Variants in WDR87 observed in about 807,000 individuals in gnomAD.
The protein encoded by WDR87 is WD repeat-containing protein 87.
WDR87 carries 56 observed loss-of-function variants against 83.3 expected under a neutral mutation model. The ratio of observed to expected loss-of-function variants is 0.67; its 90% CI spans 0.54 to 0.84. WDR87 has a LOEUF of 0.84. WDR87 is among the 40% of genes least tolerant of loss of function. The pLI, the probability that WDR87 is intolerant of heterozygous loss-of-function variation, is 0.00. For synonymous variants in WDR87, 1,173 were observed against 1,250.6 expected, an observed-to-expected ratio of 0.94 and a Z score of 1.31; for missense variants, 2,939 against 3,431.9, an observed-to-expected ratio of 0.86 and a Z score of 3.59.
chr19:37,888,462 C>T lies in WDR87; in HGVS notation c.5209G>A (p.Glu1737Lys). 6.4e-7 allele frequency: 1 copy of T among 1,552,110 alleles called. No individual in the cohort carries two copies. The highest frequency in any genetic ancestry group is 1.2e-5 in the South Asian group (1 of 84,054). ...TTTTGTTCCCTCTGGGGCAGTTCTT[C>T]CACTTTCTGGGCCAATATGTTTTTC... is the stretch of plus-strand genomic sequence containing the variant. ...EVKNILAQKV[E>K]ELPQREQNLD... Residue 1737 changes from glutamate to lysine, a missense_variant, in exon 6 of 6, where the codon GAA becomes AAA. By Grantham distance (56) the Glu-to-Lys change is moderately conservative (BLOSUM62 1). Around this residue, in one of 3 missense-constraint regions of WDR87, gnomAD observed 2,160 missense variants for 2,533.1 expected, o/e 0.85. Coordinates refer to ENST00000447313, the MANE Select transcript of WDR87 (RefSeq NM_001291088.2).
At position 37,898,102 on chromosome 19, in the gene WDR87, C is replaced by T. The variant is rs754881922; in HGVS notation, c.75+63G>A. 5.9e-6 allele frequency: 9 copies of T among 1,533,628 alleles called. No homozygotes were observed. The Admixed American group carries it at 5.9e-5, about 10-fold the overall frequency. On this transcript the variant is annotated intron_variant, in intron 2 of 5. Coordinates refer to ENST00000447313, the MANE Select transcript of WDR87 (RefSeq NM_001291088.2). ...GACAATCTGTGGCTCTTCTGAAATG[C>T]TCATGACTGTAAGACAGGTAGCAGC...
At position 37,896,292 on chromosome 19, in the gene WDR87, G is replaced by C. The variant is rs931240129; in HGVS notation, c.92C>G (p.Pro31Arg). ...ACTCAGCACAATCAGGCAGTTCTTT[G>C]GGTCTTCCGAAGGTTGCTGGAGAGA... is the stretch of plus-strand genomic sequence containing the variant. Reference protein sequence around the residue: ...INKSKQPSEDPKNCLIVLSDR... With the variant: ...INKSKQPSEDRKNCLIVLSDR... The change falls in exon 3 of 6, where the codon CCA becomes CGA. Residue 31 changes from proline (P) to arginine (R), a missense_variant. Around this residue, in one of 3 missense-constraint regions of WDR87, gnomAD observed 226 missense variants for 320.9 expected, o/e 0.70. Transcript: ENST00000447313. The C allele has an allele frequency of 3.9e-6, 6 of 1,551,752 alleles. No individual in the cohort carries two copies. The highest frequency in any genetic ancestry group is 5.2e-6 in the Non-Finnish European group (6 of 1,147,004).
In WDR87 at chr19:37,887,456, T is replaced by C. The variant is rs2046159339; in HGVS notation, c.6215A>G (p.Lys2072Arg). 10 of 1,551,582 alleles carry C rather than the reference T, an allele frequency of 6.4e-6. No individual in the cohort carries two copies. Among genetic ancestry groups the C allele is most frequent in the Non-Finnish European group, 8.7e-7 (1 of 1,146,962 alleles). Residue 2072 changes from lysine (K) to arginine (R), a missense_variant, in exon 6 of 6, where the codon AAA becomes AGA. This residue lies in a region of WDR87 where 2,160 missense variants were observed against 2,533.1 expected (regional missense o/e 0.85). Coordinates refer to ENST00000447313, the MANE Select transcript of WDR87 (RefSeq NM_001291088.2). Reference sequence around the variant, plus strand: ...TCCTCTAGTAAATTCCAGTTTTCCTTTGGCAATTTCGCTTTCCTCCATGGC... The same window carrying C: ...TCCTCTAGTAAATTCCAGTTTTCCTCTGGCAATTTCGCTTTCCTCCATGGC... ...ILAMEESEIA[K>R]GKLEFTRGQR...
chr19:37,893,153 C>A lies in WDR87; in HGVS notation c.2550G>T (p.Gln850His). ...GAGACCTGTCCCATTCCAGCTCCCGCTGGGGTGCATGCAGGTTGCACTGTA... is the reference window on the plus strand; with the variant it reads ...GAGACCTGTCCCATTCCAGCTCCCGATGGGGTGCATGCAGGTTGCACTGTA... ...IYLQCNLHAP[Q>H]RELEWDRSQE... The change falls in exon 4 of 6, where the codon CAG becomes CAT. Residue 850 changes from glutamine (Q) to histidine (H), a missense_variant. Coordinates refer to ENST00000447313, the MANE Select transcript of WDR87 (RefSeq NM_001291088.2). The A allele has an allele frequency of 6.4e-7, 1 of 1,551,948 alleles. No individual in the cohort carries two copies.
rs1428482030 is a variant in WDR87, at chr19:37,887,928, G to A, written c.5743C>T (p.Gln1915Ter). 1.3e-6 allele frequency: 2 copies of A among 1,551,494 alleles called. No homozygotes were observed. The highest frequency in any genetic ancestry group is 2.0e-5 in the Admixed American group (1 of 50,962). The change falls in exon 6 of 6, where the codon CAA becomes TAA. Residue 1915 changes from glutamine to a stop codon, truncating the protein, a stop_gained. Coordinates refer to ENST00000447313, the MANE Select transcript of WDR87 (RefSeq NM_001291088.2). LOFTEE classifies it low-confidence loss of function (END_TRUNC). ...AACATTCCCAATTTGTTCTTTACTT[G>A]CACTAATTGCTTTTTGCTGTGGGTG... Reference protein sequence around the residue: ...RLTHSKKQLVQVKNKLGMFNK... With the variant: ...RLTHSKKQLV
At chr19:37,898,530 CG>C (rs2046273212) in intron 1 of WDR87, among the ~76,000 whole-genome samples, 1 of 152,128 alleles carries the variant, frequency 6.6e-6, no homozygotes, top group African/African-American at 2.4e-5. Context: ...GTGTTCCTGT[CG>C]TAACCCAGTA....
At chr19:37,895,962 G>C (rs1800487073) in intron 3 of WDR87, 176 bp downstream of exon 3, 2 of 860,268 alleles carry the variant, frequency 2.3e-6, no homozygotes, top group Admixed American at 3.1e-5. Flanking sequence ...TACTTCGGGG[G>C]AACCATACAA....
chr19:37,890,016 C>T lies in WDR87; in HGVS notation c.3655G>A (p.Asp1219Asn). Residue 1219 changes from aspartate (D) to asparagine (N), a missense_variant, in exon 6 of 6, where the codon GAC (aspartate) becomes AAC (asparagine). Asp to Asn is a conservative substitution (Grantham distance 23). This residue lies in a region of WDR87 where 2,160 missense variants were observed against 2,533.1 expected (regional missense o/e 0.85). Coordinates refer to ENST00000447313, the MANE Select transcript of WDR87 (RefSeq NM_001291088.2). ...KRLQKIRDKR[D>N]KKATAQKLKK... is the part of the protein sequence containing the mutation. ...AGTTTCTGAGCTGTTGCTTTCTTGT[C>T]TCTTTTGTCACGTATTTTCTGCAGC... 1 of 1,551,616 alleles carries T rather than the reference C, an allele frequency of 6.4e-7. No homozygotes were observed. Among genetic ancestry groups the T allele is most frequent in the Non-Finnish European group, 8.7e-7 (1 of 1,146,978 alleles).
chr19:37,890,827 G>T (rs1048628222), intron 5 of WDR87, among the ~76,000 whole-genome samples: 1 of 152,010 alleles, frequency 6.6e-6, no homozygotes, highest in African/African-American at 2.4e-5. Flanking sequence ...GTGCTCTTTT[G>T]TGTTTGCTTT....
Position 37,890,220 on chromosome 19 carries a change from T to C in WDR87, c.3451A>G (p.Ser1151Gly). ...TCCTCTAAGAGGCCTGGCTCTGTGC[T>C]CATCTGTTTAGAGTCTCTCTCTTTC... ...KTKERDSKQM[S>G]TEPGLLEDES... Residue 1151 changes from serine (S) to glycine (G), a missense_variant, in exon 6 of 6, where the codon AGC becomes GGC. Physicochemically the swap from Ser to Gly is moderately conservative, Grantham distance 56 (BLOSUM62 0). Around this residue, in one of 3 missense-constraint regions of WDR87, gnomAD observed 2,160 missense variants for 2,533.1 expected, o/e 0.85. Transcript: ENST00000447313. 1 of 1,551,390 alleles carries C rather than the reference T, an allele frequency of 6.4e-7. No individual in the cohort carries two copies. Among genetic ancestry groups the C allele is most frequent in the Non-Finnish European group, 8.7e-7 (1 of 1,146,858 alleles).
At position 37,894,472 on chromosome 19, in the gene WDR87, G is replaced by C. The variant is rs1329766506; in HGVS notation, c.1231C>G (p.Gln411Glu). 2.6e-5 allele frequency: 41 copies of C among 1,551,594 alleles called. No individual in the cohort carries two copies. The highest frequency in any genetic ancestry group is 1.7e-4 in the Middle Eastern group (1 of 6,014). The change falls in exon 4 of 6, where the codon CAG (glutamine) becomes GAG (glutamate). Residue 411 changes from glutamine (Q) to glutamate (E), a missense_variant. Physicochemically the swap from Gln to Glu is conservative, Grantham distance 29. Around this residue, in one of 3 missense-constraint regions of WDR87, gnomAD observed 553 missense variants for 577.9 expected, o/e 0.96. Transcript: ENST00000447313. Reference sequence around the variant, plus strand: ...GGGTCGTAGGCCCAATCCACAGCCTGGTCCAGGATTGAGAAGGGCCAGGTG... The same window carrying C: ...GGGTCGTAGGCCCAATCCACAGCCTCGTCCAGGATTGAGAAGGGCCAGGTG... ...VITWPFSILD[Q>E]AVDWAYDPGK... is the part of the protein sequence containing the mutation.
rs1032429812 is a variant in WDR87 at position 37,894,330 on chromosome 19, A to G, written c.1373T>C (p.Phe458Ser). The G allele has an allele frequency of 4.5e-6, 7 of 1,551,740 alleles. No homozygotes were observed. The South Asian group carries it at 4.8e-5, about 11-fold the overall frequency. The change falls in exon 4 of 6, where the codon TTT (phenylalanine) becomes TCT (serine). Residue 458 changes from phenylalanine to serine, a missense_variant. Around this residue, in one of 3 missense-constraint regions of WDR87, gnomAD observed 553 missense variants for 577.9 expected, o/e 0.96. Coordinates refer to ENST00000447313, the MANE Select transcript of WDR87 (RefSeq NM_001291088.2). ...ATGCCCATAAGCCAGGCATTGTACAAAGTCCTGAGAATTTGGTGAGGTGCC... is the reference window on the plus strand; with the variant it reads ...ATGCCCATAAGCCAGGCATTGTACAGAGTCCTGAGAATTTGGTGAGGTGCC... ...LLGTSPNSQDFVQCLAYGHFN... is the reference protein window; with the variant it reads ...LLGTSPNSQDSVQCLAYGHFN...
intron 3 of WDR87, 36 bp from the exon 4 acceptor site, chr19:37,895,492 G>A: frequency 6.5e-7 from 1 of 1,527,668 alleles, no homozygotes; most frequent in Non-Finnish European, 8.8e-7. Context: ...CCTAGGCCGG[G>A]TGAGGTGGTT....
At chr19:37,901,610 C>T (rs192694732) in intron 1 of WDR87, among the ~76,000 whole-genome samples, 4 of 152,200 alleles carry the variant, frequency 2.6e-5, no homozygotes, top group East Asian at 1.9e-4. Flanking sequence ...TTCTCTTGAC[C>T]GGCCTACAGA....
In WDR87 at chr19:37,900,560, C is replaced by CAAAAAAAAAAAAAAAAAAAAAAAA. The variant is rs58946958; in HGVS notation, c.-46-2276_-46-2275insTTTTTTTTTTTTTTTTTTTTTTTT. ...TCAGTGACAGAGCAAGACTCCGTCT[C>CAAAAAAAAAAAAAAAAAAAAAAAA]AAAAAAAAAAAAAAAAAAAGACCCA... is the stretch of plus-strand genomic sequence containing the variant. On this transcript the variant is annotated intron_variant, in intron 1 of 5. Transcript: ENST00000447313. Among the ~76,000 whole-genome samples the CAAAAAAAAAAAAAAAAAAAAAAAA allele has an allele frequency of 5.6e-4, 44 of 78,070 alleles. 1 individual carries two copies. Among genetic ancestry groups the CAAAAAAAAAAAAAAAAAAAAAAAA allele is most frequent in the East Asian group, 2.5e-3 (6 of 2,374 alleles). 51.2% of individuals were successfully genotyped at this position (78,070 alleles called of 152,430 possible).
rs1330177789 is a variant in WDR87 at position 37,888,188 on chromosome 19, T to A, written c.5483A>T (p.Glu1828Val). 13 of 1,552,162 alleles carry A rather than the reference T, an allele frequency of 8.4e-6. No homozygotes were observed. In the Admixed American group the frequency reaches 1.8e-4, roughly 21 times the overall value. The part of the protein sequence containing the change: ...QEKEKLAQHK[E>V]KMPEEEERLG... The stretch of plus-strand genomic sequence containing the variant: ...TCTTTCCTCTTCCTCAGGCATTTTT[T>A]CCTTGTGCTGGGCCAGTTTCTCCTT... Residue 1828 changes from glutamate (E) to valine (V), a missense_variant, in exon 6 of 6, where the codon GAA becomes GTA. This residue lies in a region of WDR87 where 2,160 missense variants were observed against 2,533.1 expected (regional missense o/e 0.85). Transcript: ENST00000447313.
rs527906228 is a variant in WDR87 at position 37,898,224 on chromosome 19, G to A, written c.16C>T (p.Leu6Phe). 8 of 1,551,624 alleles carry A rather than the reference G, an allele frequency of 5.2e-6. No individual in the cohort carries two copies. In the African/African-American group the frequency reaches 9.6e-5, roughly 19 times the overall value. Residue 6 changes from leucine (L) to phenylalanine (F), a missense_variant, in exon 2 of 6, where the codon CTC becomes TTC. Physicochemically the swap from Leu to Phe is conservative, Grantham distance 22. Coordinates refer to ENST00000447313, the MANE Select transcript of WDR87 (RefSeq NM_001291088.2). Reference protein sequence around the residue: MSSPRLIPLWKDLKLL... With the variant: MSSPRFIPLWKDLKLL... Reference sequence around the variant, plus strand: ...TTTAAATCTTTCCACAGGGGAATGAGCCTGGGGGAAGACATCACCGTCAGA... The same window carrying A: ...TTTAAATCTTTCCACAGGGGAATGAACCTGGGGGAAGACATCACCGTCAGA...
chr19:37,890,805 T>G (rs1278676497), intron 5 of WDR87, among the ~76,000 whole-genome samples: 1 of 152,232 alleles, frequency 6.6e-6, no homozygotes, highest in East Asian at 1.9e-4. Context: ...ATAAATAGAA[T>G]CATTAAAAAA....
chr19:37,889,989 T>G lies in WDR87; in HGVS notation c.3682A>C (p.Lys1228Gln). ...TTTCCCTTCTTTTTGTGCTTCTTTT[T>G]GAGTTTCTGAGCTGTTGCTTTCTTG... ...RDKKATAQKLKKKHKKKGKEA... is the reference protein window; with the variant it reads ...RDKKATAQKLQKKHKKKGKEA... The change falls in exon 6 of 6, where the codon AAA becomes CAA. Residue 1228 changes from lysine to glutamine, a missense_variant. Transcript: ENST00000447313. The G allele has an allele frequency of 6.4e-7, 1 of 1,551,756 alleles. No individual in the cohort carries two copies. Among genetic ancestry groups the G allele is most frequent in the South Asian group, 1.2e-5 (1 of 84,062 alleles).
Sources: allele counts gnomAD v4.1 joint callset (sites outside exome capture counted in the v4.1 genomes callset), GRCh38; gene constraint gnomAD v4.1.1; regional missense constraint gnomAD v4.1.1; transcripts MANE v1.5; gene names NCBI Gene and HGNC (gene_info 2026-07-23, HGNC 2026-07-21).